Variants in MAGED1 observed in about 807,000 individuals in gnomAD.
MAGED1 encodes the protein melanoma-associated antigen D1.
In MAGED1, 3 loss-of-function variants were observed where a neutral mutation model predicts 54.1. The observed-to-expected ratio is 0.06, with a 90% confidence interval of 0.03 to 0.14. The LOEUF (loss-of-function observed/expected upper bound fraction) is 0.14, where lower values mean the gene tolerates loss of function less well. Ranked by LOEUF, MAGED1 falls within the 10% of genes least tolerant of loss-of-function variation. MAGED1 has a pLI of 1.00. For synonymous variants in MAGED1, 217 were observed against 227.3 expected, an observed-to-expected ratio of 0.95 and a Z score of 0.41; for missense variants, 485 against 623.4, an observed-to-expected ratio of 0.78 and a Z score of 2.36.
At chrX:51,814,966 TAAA>T (rs782352592) in intron 1 of MAGED1, among the ~76,000 whole-genome samples, 13 of 72,093 alleles carry the variant, frequency 1.8e-4, no homozygotes, top group Middle Eastern at 6.0e-3. Flanking sequence ...ACCTCTCTCT[TAAA>T]AAAAAAAAAA....
chrX:51,861,155 T>C (rs1557360634), intron 1 of MAGED1, among the ~76,000 whole-genome samples: 7 of 111,855 alleles, frequency 6.3e-5, no homozygotes, highest in African/African-American at 2.3e-4. Flanking sequence ...ATCTATTCTA[T>C]TGGCCTCATT....
In MAGED1 at chrX:51,895,445, C is replaced by T; in HGVS notation, c.438C>T (p.Phe146=). 1 of 1,207,712 alleles carries T rather than the reference C, an allele frequency of 8.3e-7. No individual in the cohort carries two copies. The highest frequency in any genetic ancestry group is 1.1e-6 in the Non-Finnish European group (1 of 893,291). The change falls in exon 3 of 13, where the codon TTC becomes TTT. Residue 146 remains phenylalanine (F), a synonymous_variant. Transcript: ENST00000326587. ...ELAANKSEMA[F]KAQNATTKVG... The stretch of plus-strand genomic sequence containing the variant: ...CTGCTAACAAGTCTGAGATGGCCTT[C>T]AAGGCCCAGAATGCCACTACTAAAG...
At chrX:51,870,260 C>T (rs1359575625) in intron 1 of MAGED1, among the ~76,000 whole-genome samples, 1 of 111,959 alleles carries the variant, frequency 8.9e-6, no homozygotes, top group Non-Finnish European at 1.9e-5. Flanking sequence ...GAAACAGACT[C>T]TTATTTCACA....
chrX:51,890,647 A>AT (rs1557363378), upstream of MAGED1, among the ~76,000 whole-genome samples: 2 of 111,602 alleles, frequency 1.8e-5, no homozygotes, highest in Admixed American at 1.9e-4. Flanking sequence ...CTATAACGCT[A>AT]TATAAAGAAC....
Position 51,901,672 on chromosome X carries a change from C to T in MAGED1, c.2079C>T (p.Arg693=), listed in dbSNP as rs1557364977. 2 of 1,211,521 alleles carry T rather than the reference C, an allele frequency of 1.7e-6. No homozygotes were observed. The highest frequency in any genetic ancestry group is 2.2e-5 in the Admixed American group (1 of 46,030). ...AAGCCCGGGCTGAAGCAAGAACCCG[C>T]ATGGGAATTGGAGATGAGGCTGTGT... ...EAEARAEART[R]MGIGDEAVSG... Residue 693 remains arginine, a synonymous_variant, in exon 12 of 13, where the codon CGC becomes CGT. Coordinates refer to ENST00000326587, the MANE Select transcript of MAGED1 (RefSeq NM_006986.4).
At chrX:51,896,373 C>T (rs201932104) in intron 3 of MAGED1, 36 bp from the exon 4 acceptor site, 96 of 1,138,234 alleles carry the variant, frequency 8.4e-5, no homozygotes, top group Non-Finnish European at 2.9e-5. Context: ...GACACAGAAC[C>T]CACTGGTGAT....
chrX:51,869,762 T>TG (rs781786805), intron 1 of MAGED1, among the ~76,000 whole-genome samples: 12 of 110,732 alleles, frequency 1.1e-4, no homozygotes, highest in Admixed American at 1.9e-4. Context: ...TCCCAGTGCC[T>TG]GGGAGGCTGA....
chrX:51,898,794 G>A (rs1438732025), intron 10 of MAGED1, 151 bp downstream of exon 10: 6 of 469,503 alleles, frequency 1.3e-5, no homozygotes, highest in African/African-American at 2.5e-5. Flanking sequence ...CTTGAGCCCA[G>A]GAGTTCAAGA....
At chrX:51,846,472 G>T (rs782490584) in intron 1 of MAGED1, among the ~76,000 whole-genome samples, 1 of 111,858 alleles carries the variant, frequency 8.9e-6, no homozygotes, top group Non-Finnish European at 1.9e-5. Context: ...CAGAAGTAAT[G>T]CTCTGTATTG....
At chrX:51,898,538 T>C (rs1557364595) in intron 9 of MAGED1, 43 bp from the exon 10 acceptor site, 2 of 1,132,969 alleles carry the variant, frequency 1.8e-6, no homozygotes, top group South Asian at 4.0e-5. Flanking sequence ...TCTTTGGGCA[T>C]GGTAATAGCC....
At chrX:51,894,683 C>T in intron 2 of MAGED1, 1 of 1,178,446 alleles carries the variant, frequency 8.5e-7, no homozygotes, top group South Asian at 1.9e-5. Flanking sequence ...CTGCCTCCAC[C>T]CTCCCTCTTT....
intron 1 of MAGED1, among the ~76,000 whole-genome samples, chrX:51,812,616 T>C (rs1294341909): frequency 6.2e-5 from 7 of 112,230 alleles, no homozygotes; most frequent in Non-Finnish European, 1.3e-4. Flanking sequence ...CTGAAAGATA[T>C]TCCATTGTAT....
intron 1 of MAGED1, among the ~76,000 whole-genome samples, chrX:51,806,944 C>A (rs1399419948): frequency 9.1e-6 from 1 of 110,035 alleles, no homozygotes; most frequent in Non-Finnish European, 1.9e-5. Context: ...ACCACCACTA[C>A]GCCCAGCTAA....
chrX:51,882,801 C>T (rs782741486), intron 1 of MAGED1, among the ~76,000 whole-genome samples: 10 of 111,168 alleles, frequency 9.0e-5, no homozygotes, highest in Non-Finnish European at 1.9e-4. Context: ...AGCGATTCTC[C>T]TGCCTCAGCC....
chrX:51,839,506 T>C (rs1557358247), intron 1 of MAGED1, among the ~76,000 whole-genome samples: 1 of 111,946 alleles, frequency 8.9e-6, no homozygotes, highest in African/African-American at 3.2e-5. Context: ...AAAACTGTTT[T>C]ATAAGAAAAT....
At chrX:51,854,658 A>C (rs782757182) in intron 1 of MAGED1, among the ~76,000 whole-genome samples, 3 of 111,635 alleles carry the variant, frequency 2.7e-5, no homozygotes, top group Non-Finnish European at 5.6e-5. Context: ...CAAACTTTCA[A>C]GGTTTCCGTG....
chrX:51,845,867 C>T (rs1926669762), intron 1 of MAGED1, among the ~76,000 whole-genome samples: 1 of 111,422 alleles, frequency 9.0e-6, no homozygotes, highest in Non-Finnish European at 1.9e-5. Flanking sequence ...CCTCTATCTC[C>T]CAAGTTCAGG....
At chrX:51,814,988 A>AC (rs1419105290) in intron 1 of MAGED1, among the ~76,000 whole-genome samples, 6 of 105,510 alleles carry the variant, frequency 5.7e-5, no homozygotes, top group Non-Finnish European at 1.2e-4. Context: ...AAAAAAAAAA[A>AC]AGAAATTAGC....
intron 2 of MAGED1, 150 bp from the exon 3 acceptor site, chrX:51,894,902 GC>G (rs1267416550): frequency 2.1e-4 from 202 of 943,297 alleles, no homozygotes; most frequent in Non-Finnish European, 2.9e-4. Context: ...CCCCTCGCGG[GC>G]CCCCTAGATC....
Sources: gnomAD v4.1 joint callset for allele counts (sites outside exome capture counted in the v4.1 genomes callset) on GRCh38, gnomAD v4.1.1 for gene constraint, MANE v1.5 for transcripts, NCBI Gene and HGNC (gene_info 2026-07-23, HGNC 2026-07-21) for gene names.